The following RSU1 variants were observed in gnomAD, a reference collection of about 807,000 sequenced individuals.
RSU1 encodes the protein Ras suppressor protein 1.
A neutral mutation model predicts 31.1 loss-of-function variants in RSU1; 26 were observed. The ratio of observed to expected loss-of-function variants is 0.84; its 90% CI spans 0.61 to 1.16. The LOEUF (loss-of-function observed/expected upper bound fraction) is 1.16, where lower values mean the gene tolerates loss of function less well. Ranked by LOEUF, RSU1 falls within the 50% of genes most tolerant of loss-of-function variation. The probability of loss-of-function intolerance (pLI) is 0.00; values close to 1 mark genes in which losing one functional copy is unlikely to be tolerated. For synonymous variants in RSU1, 164 were observed against 136.3 expected, an observed-to-expected ratio of 1.20 and a Z score of -1.41; for missense variants, 320 against 339.1, an observed-to-expected ratio of 0.94 and a Z score of 0.44.
At position 16,712,496 on chromosome 10, in the gene RSU1, A is replaced by G. The variant is rs191876277; in HGVS notation, c.599-17341T>C. 7.2e-5 allele frequency among the ~76,000 whole-genome samples: 11 copies of G among 152,066 alleles called. No individual in the cohort carries two copies. In the East Asian group the frequency reaches 2.1e-3, roughly 29 times the overall value. ...TCTTTACTGTTTATTATTCTGTCGT[A>G]ATTTCTTTCTTTGTGGTTACCATGG... is the stretch of plus-strand genomic sequence containing the variant. On this transcript the variant is annotated intron_variant, in intron 7 of 8. Coordinates refer to ENST00000345264, the MANE Select transcript of RSU1 (RefSeq NM_012425.4).
At chr10:16,692,483 T>C (rs1835579146) in intron 8 of RSU1, among the ~76,000 whole-genome samples, 1 of 152,178 alleles carries the variant, frequency 6.6e-6, no homozygotes, top group Non-Finnish European at 1.5e-5. Flanking sequence ...TCCAGATGGC[T>C]AGGAGTTTGT....
chr10:16,725,422 C>G (rs187732746), intron 7 of RSU1, among the ~76,000 whole-genome samples: 1 of 152,254 alleles, frequency 6.6e-6, no homozygotes, highest in Admixed American at 6.5e-5. Context: ...AACAGATACT[C>G]TGAAGTGTTA....
At chr10:16,669,577 ATCT>A (rs931460276) in intron 8 of RSU1, among the ~76,000 whole-genome samples, 1 of 151,890 alleles carries the variant, frequency 6.6e-6, no homozygotes, top group African/African-American at 2.4e-5. Flanking sequence ...CCATTTCTTC[ATCT>A]TCTTTTTTTT....
intron 4 of RSU1, among the ~76,000 whole-genome samples, chr10:16,761,480 G>A (rs6602153): frequency 0.1 from 15,645 of 151,986 alleles, 2,627 homozygotes; most frequent in African/African-American, 0.35. Flanking sequence ...CCTGACAGCC[G>A]CCCGCCTCAC....
chr10:16,771,941 A>G (rs538727309), intron 3 of RSU1, among the ~76,000 whole-genome samples: 1 of 152,252 alleles, frequency 6.6e-6, no homozygotes, highest in African/African-American at 2.4e-5. Flanking sequence ...TCCTCCAATT[A>G]TTAGCTTTAT....
chr10:16,791,157 G>C (rs568316826), intron 2 of RSU1, among the ~76,000 whole-genome samples: 7 of 152,020 alleles, frequency 4.6e-5, no homozygotes, highest in Non-Finnish European at 1.0e-4. Flanking sequence ...CTCCTGAGTA[G>C]CTGGGGTTAC....
intron 8 of RSU1, among the ~76,000 whole-genome samples, chr10:16,633,743 C>T (rs1834295479): frequency 6.6e-6 from 1 of 152,156 alleles, no homozygotes. Context: ...TCCACGATTC[C>T]ATGGGCTTCT....
intron 2 of RSU1, among the ~76,000 whole-genome samples, chr10:16,796,974 A>G (rs577612584): frequency 7.2e-5 from 11 of 152,220 alleles, no homozygotes; most frequent in Non-Finnish European, 1.6e-4. Context: ...AACAAACTTG[A>G]CAACTGAGAA....
chr10:16,696,933 C>T (rs559910717), intron 7 of RSU1, among the ~76,000 whole-genome samples: 81 of 152,212 alleles, frequency 5.3e-4, no homozygotes, highest in African/African-American at 1.9e-3. Flanking sequence ...CTTATTTCCT[C>T]TTAAAATCTA....
chr10:16,604,748 C>T (rs954692823), intron 8 of RSU1, among the ~76,000 whole-genome samples: 5 of 152,116 alleles, frequency 3.3e-5, no homozygotes, highest in African/African-American at 1.2e-4. Flanking sequence ...GCTGTGCTTC[C>T]CTGATGTTAG....
At chr10:16,809,217 C>A (rs191404591) in intron 2 of RSU1, among the ~76,000 whole-genome samples, 58 of 152,298 alleles carry the variant, frequency 3.8e-4, no homozygotes, top group African/African-American at 1.3e-3. Flanking sequence ...CTGCAAATTC[C>A]ATTTCCTTTG....
chr10:16,744,734 A>C (rs1836816561), intron 7 of RSU1, among the ~76,000 whole-genome samples: 1 of 152,186 alleles, frequency 6.6e-6, no homozygotes, highest in South Asian at 2.1e-4. Flanking sequence ...TAAAACTCCC[A>C]AGAAAGGCAC....
At chr10:16,619,739 T>C (rs919705989) in intron 8 of RSU1, among the ~76,000 whole-genome samples, 1 of 152,260 alleles carries the variant, frequency 6.6e-6, no homozygotes, top group African/African-American at 2.4e-5. Flanking sequence ...TTGGCAGTTA[T>C]GTTAGCTATA....
At chr10:16,676,784 T>C (rs1465264049) in intron 8 of RSU1, among the ~76,000 whole-genome samples, 3 of 152,194 alleles carry the variant, frequency 2.0e-5, no homozygotes, top group Non-Finnish European at 4.4e-5. Flanking sequence ...GTGTGTTATA[T>C]ATCCACTGTG....
intron 8 of RSU1, among the ~76,000 whole-genome samples, chr10:16,637,520 C>T (rs12268578): frequency 0.029 from 4,456 of 151,866 alleles, 232 homozygotes; most frequent in African/African-American, 0.1. Context: ...TCTTTTCAGG[C>T]CATGATGTGT....
At chr10:16,633,810 C>G (rs1469445956) in intron 8 of RSU1, among the ~76,000 whole-genome samples, 3 of 152,152 alleles carry the variant, frequency 2.0e-5, no homozygotes, top group Non-Finnish European at 4.4e-5. Flanking sequence ...CAGTGACAAG[C>G]AGAGGGCATT....
At chr10:16,711,329 A>G (rs1211003366) in intron 7 of RSU1, among the ~76,000 whole-genome samples, 2 of 85,676 alleles carry the variant, frequency 2.3e-5, no homozygotes, top group South Asian at 4.1e-4. Flanking sequence ...GATTTTGCTT[A>G]TCTTTTCAAA....
intron 7 of RSU1, chr10:16,721,398 C>T (rs1836258650): frequency 1.3e-5 from 2 of 152,248 alleles, no homozygotes; most frequent in Non-Finnish European, 2.9e-5. Context: ...TAAGGAGCTC[C>T]AGCTTTACCT....
Position 16,633,506 on chromosome 10 carries a change from T to C in RSU1, c.732-40010A>G, listed in dbSNP as rs139198787. Among the ~76,000 whole-genome samples, 703 of 152,278 alleles carry C rather than the reference T, an allele frequency of 4.6e-3. 9 individuals carry two copies. Among genetic ancestry groups the C allele is most frequent in the African/African-American group, 0.016 (665 of 41,538 alleles). On this transcript the variant is annotated intron_variant, in intron 8 of 8. Transcript: ENST00000345264. Reference sequence around the variant, plus strand: ...GTTACCCCAAGCTAGCTTTAGTCTTTCTTCTTATCATGGAAGAAAGGTTAT... The same window carrying C: ...GTTACCCCAAGCTAGCTTTAGTCTTCCTTCTTATCATGGAAGAAAGGTTAT...
Sources: allele counts gnomAD v4.1 joint callset (sites outside exome capture counted in the v4.1 genomes callset), GRCh38; gene constraint gnomAD v4.1.1; transcripts MANE v1.5; gene names NCBI Gene and HGNC (gene_info 2026-07-23, HGNC 2026-07-21).